Variants in RHBDD1 observed in about 807,000 individuals in gnomAD.
RHBDD1 encodes the protein rhomboid-related protein 4.
In RHBDD1, 38 loss-of-function variants were observed where a neutral mutation model predicts 36.3. The ratio of observed to expected loss-of-function variants is 1.05; its 90% CI spans 0.81 to 1.37. The LOEUF is 1.37. Among genes scored for constraint, RHBDD1 ranks in the 40% most tolerant of loss-of-function variants. The pLI is 0.00. For missense variants in RHBDD1, 393 were observed against 377.6 expected (o/e 1.04, Z -0.34); for synonymous variants, 151 against 136.5 (o/e 1.11, Z -0.74).
At chr2:226,851,760 T>A (rs1029351882) in intron 3 of RHBDD1, among the ~76,000 whole-genome samples, 2 of 152,202 alleles carry the variant, frequency 1.3e-5, no homozygotes, top group African/African-American at 4.8e-5. Context: ...TTGTTGTTGC[T>A]ATTGTTGTTG....
At chr2:226,931,083 T>G (rs1331716970) in intron 8 of RHBDD1, among the ~76,000 whole-genome samples, 1 of 152,088 alleles carries the variant, frequency 6.6e-6, no homozygotes, top group Non-Finnish European at 1.5e-5. Context: ...GTACAGAGAT[T>G]CTTCAAAGAA....
chr2:226,842,502 A>G (rs766781617), intron 3 of RHBDD1, among the ~76,000 whole-genome samples: 1 of 152,158 alleles, frequency 6.6e-6, no homozygotes, highest in Non-Finnish European at 1.5e-5. Context: ...TTTTCTGCAT[A>G]TGGCTACCCA....
chr2:226,871,338 C>T (rs1027244634), intron 5 of RHBDD1, among the ~76,000 whole-genome samples: 5 of 152,138 alleles, frequency 3.3e-5, no homozygotes, highest in Admixed American at 1.3e-4. Flanking sequence ...AAAACTTCAG[C>T]AGGCATCTGT....
rs149052087 is a variant in RHBDD1, at chr2:226,904,274, C to T, written c.567-2519C>T. Among the ~76,000 whole-genome samples the T allele has an allele frequency of 2.0e-3, 300 of 152,266 alleles. 5 individuals are homozygous for T. The highest frequency in any genetic ancestry group is 0.018 in the East Asian group (91 of 5,156). On this transcript the variant is annotated intron_variant, in intron 5 of 8. Transcript: ENST00000392062. ...GGAGTCGCAGATACACACCCCTGGA[C>T]GTTGCCGTGAGGCTGAAGCCTAGGG...
chr2:226,895,808 C>G (rs1947055770), intron 5 of RHBDD1: 1 of 984,684 alleles, frequency 1.0e-6, no homozygotes, highest in East Asian at 1.1e-4. Flanking sequence ...ACCCCAGCAA[C>G]AGCAAAACTA....
Position 226,908,582 on chromosome 2 carries a change from TACACACACACACACACACACAC to T in RHBDD1, c.656-222_656-201del, listed in dbSNP as rs10559846. 49 of 346,808 alleles carry T rather than the reference TACACACACACACACACACACAC, an allele frequency of 1.4e-4. No homozygotes were observed. In the East Asian group the frequency reaches 1.4e-3, roughly 10 times the overall value. The allele number at this position is 346,808 out of a possible 1,614,324, so 21.5% of individuals were successfully genotyped here. A position where few individuals can be genotyped will look rare whatever the true frequency, so the allele number is the denominator to read the frequency against. ...TGTAAATTAGGGTTTCATTTTCCACTACACACACACACACACACACACACACACACACACACACATTCTTTTC... is the reference window on the plus strand; with the variant it reads ...TGTAAATTAGGGTTTCATTTTCCACTACACACACACACACACATTCTTTTC... On this transcript the variant is annotated intron_variant, in intron 6 of 8. Coordinates refer to ENST00000392062, the MANE Select transcript of RHBDD1 (RefSeq NM_001167608.3).
intron 8 of RHBDD1, among the ~76,000 whole-genome samples, chr2:226,968,297 A>C (rs547993604): frequency 6.6e-6 from 1 of 152,314 alleles, no homozygotes; most frequent in South Asian, 2.1e-4. Context: ...GGAAGTGCCT[A>C]TGTGATTGTG....
intron 5 of RHBDD1, among the ~76,000 whole-genome samples, chr2:226,875,064 C>T (rs530823809): frequency 2.5e-4 from 38 of 152,294 alleles, no homozygotes; most frequent in African/African-American, 9.1e-4. Flanking sequence ...TAAGCCCTTC[C>T]TCCATCATAA....
In RHBDD1 at chr2:226,995,598, T is replaced by C; in HGVS notation, c.*76T>C. 1 of 975,598 alleles carries C rather than the reference T, an allele frequency of 1.0e-6. No homozygotes were observed. Among genetic ancestry groups the C allele is most frequent in the African/African-American group, 1.6e-5 (1 of 61,542 alleles). 60.4% of individuals were successfully genotyped at this position (975,598 alleles called of 1,614,324 possible). A position where few individuals can be genotyped will look rare whatever the true frequency, so the allele number is the denominator to read the frequency against. On this transcript the variant is annotated 3_prime_UTR_variant, in exon 9 of 9. Transcript: ENST00000392062. ...GCTCATTCCCCAAGCCCCTAATTCA[T>C]TTTAATTCATTTTAAACAAAAGCAG...
chr2:226,884,014 G>A (rs1321253953), intron 5 of RHBDD1, among the ~76,000 whole-genome samples: 1 of 152,086 alleles, frequency 6.6e-6, no homozygotes, highest in Non-Finnish European at 1.5e-5. Flanking sequence ...ACTTTGGCCT[G>A]TTTGGAATTT....
Position 226,996,222 on chromosome 2 carries a change from C to T in RHBDD1, c.*700C>T, listed in dbSNP as rs1959232295. ...AGCAATGTAGGTTCCCAGCCCCTTC[C>T]CAGTGGCAGCTTGTGTGTCCAGGAG... is the stretch of plus-strand genomic sequence containing the variant. On this transcript the variant is annotated 3_prime_UTR_variant, in exon 9 of 9. Coordinates refer to ENST00000392062, the MANE Select transcript of RHBDD1 (RefSeq NM_001167608.3). The T allele has an allele frequency of 6.6e-6, 1 of 152,400 alleles. No individual in the cohort carries two copies. The allele number at this position is 152,400 out of a possible 1,614,324, so 9.4% of individuals were successfully genotyped here.
At position 226,942,901 on chromosome 2, in the gene RHBDD1, A is replaced by G. The variant is rs62189762; in HGVS notation, c.856+28550A>G. Among the ~76,000 whole-genome samples, 406 of 152,322 alleles carry G rather than the reference A, an allele frequency of 2.7e-3. 2 individuals are homozygous for G. Among genetic ancestry groups the G allele is most frequent in the Non-Finnish European group, 4.7e-3 (321 of 68,022 alleles). ...AGACATCACAATTTTATGTTGAGCT[A>G]TTTCCCATTACTCCAGTTACTTATT... On this transcript the variant is annotated intron_variant, in intron 8 of 8. Coordinates refer to ENST00000392062, the MANE Select transcript of RHBDD1 (RefSeq NM_001167608.3).
chr2:226,982,952 T>C (rs1389046378), intron 8 of RHBDD1, among the ~76,000 whole-genome samples: 1 of 152,230 alleles, frequency 6.6e-6, no homozygotes, highest in Admixed American at 6.5e-5. Context: ...GTTGCACTTT[T>C]ATCTTTTAAA....
intron 8 of RHBDD1, among the ~76,000 whole-genome samples, chr2:226,954,212 G>A (rs944863920): frequency 1.3e-5 from 2 of 152,160 alleles, no homozygotes; most frequent in African/African-American, 4.8e-5. Flanking sequence ...ACATAGATGA[G>A]TTTTTATCAT....
intron 8 of RHBDD1, among the ~76,000 whole-genome samples, chr2:226,966,420 G>A (rs75119431): frequency 0.04 from 6,091 of 152,230 alleles, 419 homozygotes; most frequent in African/African-American, 0.14. Context: ...CTGCAGTAAC[G>A]GACATGCTTC....
chr2:226,882,457 AGAAG>A (rs1184498644), intron 5 of RHBDD1, among the ~76,000 whole-genome samples: 1 of 148,820 alleles, frequency 6.7e-6, no homozygotes, highest in Non-Finnish European at 1.5e-5. Flanking sequence ...AAAAAAAAGA[AGAAG>A]AAGAAGAAGA....
chr2:226,870,372 G>C (rs1208882065), intron 5 of RHBDD1, among the ~76,000 whole-genome samples: 1 of 152,088 alleles, frequency 6.6e-6, no homozygotes, highest in African/African-American at 2.4e-5. Flanking sequence ...AATTTCTTTT[G>C]CTTTCTAAAA....
chr2:226,844,991 A>G (rs1268800524), intron 3 of RHBDD1, among the ~76,000 whole-genome samples: 1 of 152,168 alleles, frequency 6.6e-6, no homozygotes, highest in African/African-American at 2.4e-5. Context: ...TAAAAGGTGG[A>G]GAAAGAATTT....
the RHBDD1 span, among the ~76,000 whole-genome samples, chr2:226,800,410 G>A: frequency 6.6e-6 from 1 of 152,192 alleles, no homozygotes; most frequent in African/African-American, 2.4e-5. Flanking sequence ...TGAGGTACCT[G>A]GAAGGAACAG....
Sources: allele counts gnomAD v4.1 joint callset (sites outside exome capture counted in the v4.1 genomes callset), GRCh38; gene constraint gnomAD v4.1.1; transcripts MANE v1.5; gene names NCBI Gene and HGNC (gene_info 2026-07-23, HGNC 2026-07-21).